Variants in CTNND2 observed in about 807,000 individuals in gnomAD.
CTNND2 encodes the protein catenin delta 2.
CTNND2 carries 22 observed loss-of-function variants against 144.4 expected under a neutral mutation model. The observed-to-expected ratio is 0.15, with a 90% CI of 0.11 to 0.22. The LOEUF (loss-of-function observed/expected upper bound fraction) is 0.22. CTNND2 is among the 10% of genes least tolerant of loss of function. The probability of loss-of-function intolerance (pLI) is 1.00; values close to 1 mark genes in which losing one functional copy is unlikely to be tolerated. For missense variants in CTNND2, 1,353 were observed against 1,618.8 expected (o/e 0.84, Z 2.82); for synonymous variants, 751 against 695.6 (o/e 1.08, Z -1.25).
chr5:11,803,189 G>C (rs187699140), intron 1 of CTNND2, among the ~76,000 whole-genome samples: 1 of 151,994 alleles, frequency 6.6e-6, no homozygotes, highest in African/African-American at 2.4e-5. Context: ...GCATGGTGGC[G>C]CGTGCCTGTA....
intron 15 of CTNND2, among the ~76,000 whole-genome samples, chr5:11,096,186 C>CT (rs1431561683): frequency 6.6e-6 from 1 of 152,068 alleles, no homozygotes; most frequent in Non-Finnish European, 1.5e-5. Flanking sequence ...ATTTATTATA[C>CT]TTTAAGTTCT....
chr5:11,437,481 G>T (rs1413702917), intron 3 of CTNND2, among the ~76,000 whole-genome samples: 1 of 152,120 alleles, frequency 6.6e-6, no homozygotes, highest in Non-Finnish European at 1.5e-5. Flanking sequence ...TGTTGGGAAC[G>T]ATTTTGTGTA....
At chr5:11,762,268 T>C (rs1470855089) in intron 1 of CTNND2, among the ~76,000 whole-genome samples, 1 of 152,094 alleles carries the variant, frequency 6.6e-6, no homozygotes, top group Non-Finnish European at 1.5e-5. Context: ...AGACATCTTA[T>C]AAATGGGAGG....
intron 5 of CTNND2, among the ~76,000 whole-genome samples, chr5:11,408,102 G>A (rs531148354): frequency 6.6e-6 from 1 of 152,152 alleles, no homozygotes; most frequent in Admixed American, 6.6e-5. Context: ...AGGGTCTAAG[G>A]GTGGTAAGGG....
intron 2 of CTNND2, among the ~76,000 whole-genome samples, chr5:11,641,828 A>G (rs1209013539): frequency 5.3e-5 from 8 of 150,244 alleles, no homozygotes; most frequent in South Asian, 2.1e-4. Context: ...ATATACGTAT[A>G]TGTGTATGTA....
chr5:11,429,928 T>C (rs1472380150), intron 3 of CTNND2, among the ~76,000 whole-genome samples: 1 of 152,166 alleles, frequency 6.6e-6, no homozygotes, highest in Non-Finnish European at 1.5e-5. Flanking sequence ...TTAGCTGTAA[T>C]TGCTGGAGTT....
intron 10 of CTNND2, among the ~76,000 whole-genome samples, chr5:11,218,044 C>CCTTCCTCCTTCCCTT (rs1196942035): frequency 5.3e-5 from 8 of 150,404 alleles, no homozygotes; most frequent in African/African-American, 1.7e-4. Context: ...CCTTCTTCCT[C>CCTTCCTCCTTCCCTT]CTTCCTCCTT....
chr5:11,419,033 TAGATATATAG>T lies in CTNND2; in HGVS notation c.288-6974_288-6965del, dbSNP rs1762138277. 2.2e-5 allele frequency among the ~76,000 whole-genome samples: 3 copies of T among 136,184 alleles called. No homozygotes were observed. In the South Asian group the frequency reaches 6.9e-4, roughly 31 times the overall value. The allele number at this position is 136,184 out of a possible 152,430, so 89.3% of individuals were successfully genotyped here. A position where few individuals can be genotyped will look rare whatever the true frequency, so the allele number is the denominator to read the frequency against. ...ATCTATATAGATGTCTATCTATATA[TAGATATATAG>T]ATAGACATCTATATAGATATATATA... On this transcript the variant is annotated intron_variant, in intron 3 of 21. Coordinates refer to ENST00000304623, the MANE Select transcript of CTNND2 (RefSeq NM_001332.4).
At chr5:11,758,685 G>A (rs10038276) in intron 1 of CTNND2, among the ~76,000 whole-genome samples, 11,612 of 152,030 alleles carry the variant, frequency 0.076, 1,184 homozygotes, top group African/African-American at 0.23. Context: ...TTAGATATGA[G>A]TAAACAGGTT....
intron 9 of CTNND2, among the ~76,000 whole-genome samples, chr5:11,312,379 C>T: frequency 6.6e-6 from 1 of 151,948 alleles, no homozygotes; most frequent in East Asian, 1.9e-4. Flanking sequence ...TACAGTTCCA[C>T]ATGGCTGGGG....
chr5:11,535,170 T>C (rs796878592), intron 3 of CTNND2, among the ~76,000 whole-genome samples: 2 of 147,996 alleles, frequency 1.4e-5, no homozygotes, highest in South Asian at 2.2e-4. Flanking sequence ...CCTGGGCAAC[T>C]GAGCAATACT....
At position 11,117,434 on chromosome 5, in the gene CTNND2, T is replaced by C. The variant is rs1561330014; in HGVS notation, c.2277+16A>G. The C allele has an allele frequency of 1.9e-6, 3 of 1,596,380 alleles. No homozygotes were observed. Among genetic ancestry groups the C allele is most frequent in the South Asian group, 1.1e-5 (1 of 90,742 alleles). On this transcript the variant is annotated intron_variant, in intron 13 of 21. Coordinates refer to ENST00000304623, the MANE Select transcript of CTNND2 (RefSeq NM_001332.4). ...TTTATTCTCAAACATGTTTAATCTATGCCAGCACAACCAACCTTGCTATCG... is the reference window on the plus strand; with the variant it reads ...TTTATTCTCAAACATGTTTAATCTACGCCAGCACAACCAACCTTGCTATCG...
intron 10 of CTNND2, among the ~76,000 whole-genome samples, chr5:11,220,321 A>G (rs1739661217): frequency 6.6e-6 from 1 of 152,188 alleles, no homozygotes. Context: ...TGGCAACAGA[A>G]AAAATATTAG....
At chr5:11,607,787 C>G (rs2126363907) in intron 2 of CTNND2, among the ~76,000 whole-genome samples, 1 of 152,298 alleles carries the variant, frequency 6.6e-6, no homozygotes, top group Middle Eastern at 3.4e-3. Flanking sequence ...GGCTGAAAGT[C>G]TGTGAACACG....
chr5:11,455,881 A>G (rs1257201767), intron 3 of CTNND2, among the ~76,000 whole-genome samples: 1 of 152,208 alleles, frequency 6.6e-6, no homozygotes, highest in African/African-American at 2.4e-5. Flanking sequence ...CCTTTGAGAA[A>G]TAACACAAGA....
intron 9 of CTNND2, among the ~76,000 whole-genome samples, chr5:11,238,527 A>C (rs754891218): frequency 1.3e-5 from 2 of 152,242 alleles, no homozygotes; most frequent in Non-Finnish European, 2.9e-5. Context: ...GAGGTTGTCA[A>C]GTAAACCTTG....
In CTNND2 at chr5:10,981,715, G is replaced by C; in HGVS notation, c.3417+58C>G. 5 of 1,472,420 alleles carry C rather than the reference G, an allele frequency of 3.4e-6. No individual in the cohort carries two copies. The South Asian group carries it at 5.9e-5, about 17-fold the overall frequency. The allele number at this position is 1,472,420 out of a possible 1,614,324, so 91.2% of individuals were successfully genotyped here. A position where few individuals can be genotyped will look rare whatever the true frequency, so the allele number is the denominator to read the frequency against. ...ATGAAAGTTTATGTTTAAAATTCCAGGTTATTTCACATGAGTCACACTGAA... is the reference window on the plus strand; with the variant it reads ...ATGAAAGTTTATGTTTAAAATTCCACGTTATTTCACATGAGTCACACTGAA... On this transcript the variant is annotated intron_variant, in intron 21 of 21. Transcript: ENST00000304623.
At chr5:11,796,542 C>G (rs1046321522) in intron 1 of CTNND2, among the ~76,000 whole-genome samples, 1 of 152,126 alleles carries the variant, frequency 6.6e-6, no homozygotes, top group African/African-American at 2.4e-5. Flanking sequence ...ATTGCTAAAA[C>G]CTTATCTCAT....
At chr5:11,210,694 T>C (rs974045929) in intron 10 of CTNND2, among the ~76,000 whole-genome samples, 2 of 152,344 alleles carry the variant, frequency 1.3e-5, no homozygotes, top group African/African-American at 2.4e-5. Flanking sequence ...AAAAGGTAGA[T>C]AGGTAACTTA....
Sources: gnomAD v4.1 joint callset for allele counts (sites outside exome capture counted in the v4.1 genomes callset) on GRCh38, gnomAD v4.1.1 for gene constraint, MANE v1.5 for transcripts, NCBI Gene and HGNC (gene_info 2026-07-23, HGNC 2026-07-21) for gene names.